The following LSP1 variants were observed in gnomAD, a reference collection of about 807,000 sequenced individuals.
The protein encoded by LSP1 is lymphocyte specific protein 1.
A neutral mutation model predicts 49.3 loss-of-function variants in LSP1; 32 were observed. The observed-to-expected ratio is 0.65, with a 90% confidence interval of 0.49 to 0.87. The LOEUF is 0.87. LSP1 is among the 40% of genes least tolerant of loss of function. The probability of loss-of-function intolerance (pLI) is 0.00; values close to 1 mark genes in which losing one functional copy is unlikely to be tolerated. For missense variants in LSP1, 428 were observed against 442.6 expected, an observed-to-expected ratio of 0.97 and a Z score of 0.30; for synonymous variants, 179 against 178.8, an observed-to-expected ratio of 1.00 and a Z score of -0.01.
intron 1 of LSP1, among the ~76,000 whole-genome samples, chr11:1,877,221 C>T (rs919407962): frequency 6.6e-6 from 1 of 152,114 alleles, no homozygotes; most frequent in African/African-American, 2.4e-5. Flanking sequence ...GTTCCCAGAA[C>T]GGAGCCCAGC....
intron 1 of LSP1, among the ~76,000 whole-genome samples, chr11:1,860,351 C>T (rs922555341): frequency 6.7e-6 from 1 of 150,186 alleles, no homozygotes; most frequent in Non-Finnish European, 1.5e-5. Flanking sequence ...GTGCATGGAT[C>T]GATGGACAGG....
At position 1,853,207 on chromosome 11, in the gene LSP1, T is replaced by C. The variant is rs1847404033; in HGVS notation, c.53+10T>C. The C allele has an allele frequency of 6.8e-6, 11 of 1,607,740 alleles. No individual in the cohort carries two copies. Among genetic ancestry groups the C allele is most frequent in the Non-Finnish European group, 9.3e-6 (11 of 1,178,640 alleles). ...GGGAAGAGTTGCTGGGGTAAGGGTC[T>C]GCGGCGACGCCCGGCGCCCTGTGCC... is the stretch of plus-strand genomic sequence containing the variant. On this transcript the variant is annotated intron_variant, in intron 1 of 10. Coordinates refer to ENST00000311604, the MANE Select transcript of LSP1 (RefSeq NM_002339.3).
rs1272561495 is a variant in LSP1, at chr11:1,884,894, C to T, written c.717+313C>T. On this transcript the variant is annotated intron_variant, in intron 7 of 10. Transcript: ENST00000311604. The surrounding 1 kb of genome is among the most constrained non-coding windows in gnomAD (Gnocchi z 4.1). ...AACCAATACTCCTGCAACCAATACTCCTCCAATTATTCAGTGTTCCTCCAT... is the reference window on the plus strand; with the variant it reads ...AACCAATACTCCTGCAACCAATACTTCTCCAATTATTCAGTGTTCCTCCAT... Among the ~76,000 whole-genome samples, 1 of 152,056 alleles carries T rather than the reference C, an allele frequency of 6.6e-6. No homozygotes were observed. The highest frequency in any genetic ancestry group is 1.9e-4 in the East Asian group (1 of 5,180).
intron 1 of LSP1, among the ~76,000 whole-genome samples, chr11:1,876,890 G>C (rs1299453927): frequency 2.0e-5 from 3 of 152,188 alleles, no homozygotes; most frequent in Non-Finnish European, 2.9e-5. Flanking sequence ...GCCAGGCCCC[G>C]AAGTGGAGCC....
chr11:1,871,784 G>A (rs1474147304), intron 1 of LSP1, among the ~76,000 whole-genome samples: 1 of 148,562 alleles, frequency 6.7e-6, no homozygotes, highest in Non-Finnish European at 1.5e-5. Context: ...CCCAGCCCGT[G>A]CTGGTAGAGT....
chr11:1,865,079 G>C (rs1298456266), intron 1 of LSP1: 6 of 425,880 alleles, frequency 1.4e-5, no homozygotes, highest in African/African-American at 1.3e-4. Flanking sequence ...CTGGGCACAG[G>C]GGGGCAGGGG....
chr11:1,873,611 G>A (rs1168618771), intron 1 of LSP1, among the ~76,000 whole-genome samples: 1 of 147,972 alleles, frequency 6.8e-6, no homozygotes, highest in Non-Finnish European at 1.5e-5. Context: ...AGGGAGGAAG[G>A]GAAGGAGGGA....
chr11:1,875,820 C>G (rs1005280386), intron 1 of LSP1, among the ~76,000 whole-genome samples: 1 of 152,216 alleles, frequency 6.6e-6, no homozygotes, highest in African/African-American at 2.4e-5. Flanking sequence ...CCCGCTGCCC[C>G]ACCTGTCACC....
rs112394118 is a variant in LSP1 at position 1,872,286 on chromosome 11, G to T, written c.54-7801G>T. ...GAGTTGGGGTCTGTCCGGCTGGCGTGGGCACCTTTGGGACGGGGTCTCTGT... is the reference window on the plus strand; with the variant it reads ...GAGTTGGGGTCTGTCCGGCTGGCGTTGGCACCTTTGGGACGGGGTCTCTGT... On this transcript the variant is annotated intron_variant, in intron 1 of 10. Coordinates refer to ENST00000311604, the MANE Select transcript of LSP1 (RefSeq NM_002339.3). 4.0e-3 allele frequency among the ~76,000 whole-genome samples: 233 copies of T among 57,828 alleles called. 24 individuals are homozygous for T. Among genetic ancestry groups the T allele is most frequent in the South Asian group, 7.6e-3 (9 of 1,182 alleles). The allele number at this position is 57,828 out of a possible 152,430, so 37.9% of individuals were successfully genotyped here. A position where few individuals can be genotyped will look rare whatever the true frequency, so the allele number is the denominator to read the frequency against.
chr11:1,864,815 C>A (rs1004324704), intron 1 of LSP1, among the ~76,000 whole-genome samples: 3 of 151,722 alleles, frequency 2.0e-5, no homozygotes, highest in Admixed American at 6.6e-5. Context: ...AGGGACCAGG[C>A]TGCCCACAGA....
chr11:1,884,392 G>T lies in LSP1; in HGVS notation c.635+69G>T. On this transcript the variant is annotated intron_variant, in intron 6 of 10. Coordinates refer to ENST00000311604, the MANE Select transcript of LSP1 (RefSeq NM_002339.3). The surrounding 1 kb of genome is among the most constrained non-coding windows in gnomAD (Gnocchi z 4.1). ...TTTAACCAAGTGGGGGTTGAAGGGAGTCACAAGGTAGAGATCTGGAGACCG... is the reference window on the plus strand; with the variant it reads ...TTTAACCAAGTGGGGGTTGAAGGGATTCACAAGGTAGAGATCTGGAGACCG... The T allele has an allele frequency of 6.2e-7, 1 of 1,610,958 alleles. No homozygotes were observed. Among genetic ancestry groups the T allele is most frequent in the East Asian group, 2.2e-5 (1 of 44,860 alleles).
chr11:1,864,355 G>A (rs1177023777), intron 1 of LSP1: 9 of 581,650 alleles, frequency 1.5e-5, no homozygotes, highest in East Asian at 1.4e-4. Context: ...GGGAGGCGGC[G>A]ATGGGCAGAA....
Position 1,881,215 on chromosome 11 carries a change from G to C in LSP1, c.192-217G>C, listed in dbSNP as rs1445697229. 3.5e-5 allele frequency: 18 copies of C among 514,720 alleles called. No individual in the cohort carries two copies. The East Asian group carries it at 6.2e-4, about 18-fold the overall frequency. The allele number at this position is 514,720 out of a possible 1,614,324, so 31.9% of individuals were successfully genotyped here. On this transcript the variant is annotated intron_variant, in intron 2 of 10. Coordinates refer to ENST00000311604, the MANE Select transcript of LSP1 (RefSeq NM_002339.3). ...AAGGAGTCCTGGACTGATGGAGGAA[G>C]CACAGTTCTCAGGCTGCCCCAGAAC...
intron 2 of LSP1, 81 bp from the exon 3 acceptor site, chr11:1,881,351 C>T (rs540647969): frequency 2.6e-5 from 36 of 1,360,302 alleles, no homozygotes; most frequent in South Asian, 5.9e-5. Flanking sequence ...AGGGCCTGAG[C>T]GGGCGCCGTG....
rs943945390 is a variant in LSP1, at chr11:1,870,703, G to A, written c.54-9384G>A. On this transcript the variant is annotated intron_variant, in intron 1 of 10. Transcript: ENST00000311604. ...AATAATGTATGAAGCCTCTGGTTGC[G>A]TGGAGGATGGGAGCGCTTCGGGCAG... 15 of 1,020,492 alleles carry A rather than the reference G, an allele frequency of 1.5e-5. No individual in the cohort carries two copies. In the Admixed American group the frequency reaches 2.1e-4, roughly 14 times the overall value. 63.2% of individuals were successfully genotyped at this position (1,020,492 alleles called of 1,614,324 possible).
chr11:1,871,253 G>A (rs1847992564), intron 1 of LSP1: 5 of 986,802 alleles, frequency 5.1e-6, no homozygotes, highest in Middle Eastern at 5.2e-4. Flanking sequence ...CCGCAGCCAC[G>A]CCGCCGGGAT....
At chr11:1,889,458 A>C (rs931862040) in intron 10 of LSP1, 6 of 638,092 alleles carry the variant, frequency 9.4e-6, no homozygotes, top group African/African-American at 9.2e-5. Flanking sequence ...GGGGGCAGGC[A>C]CCTCCTGCTC....
chr11:1,862,513 T>G (rs1847668424), intron 1 of LSP1, among the ~76,000 whole-genome samples: 1 of 152,116 alleles, frequency 6.6e-6, no homozygotes, highest in African/African-American at 2.4e-5. Context: ...CTCCAGAAGT[T>G]AAAACAGGAG....
At chr11:1,872,757 G>T (rs1189196592) in intron 1 of LSP1, among the ~76,000 whole-genome samples, 2 of 151,652 alleles carry the variant, frequency 1.3e-5, no homozygotes, top group African/African-American at 4.9e-5. Context: ...GCTGGCGTGG[G>T]CACCTTTGGG....
Sources: allele counts gnomAD v4.1 joint callset (sites outside exome capture counted in the v4.1 genomes callset), GRCh38; gene constraint gnomAD v4.1.1; non-coding constraint Gnocchi (gnomAD v3.1); transcripts MANE v1.5; gene names NCBI Gene and HGNC (gene_info 2026-07-23, HGNC 2026-07-21).